The following ABTB2 variants were observed in gnomAD, a reference collection of about 807,000 sequenced individuals.
ABTB2 encodes the protein ankyrin repeat and BTB/POZ domain-containing protein 2.
ABTB2 carries 56 observed loss-of-function variants against 104.1 expected under a neutral mutation model. The observed-to-expected ratio is 0.54, with a 90% CI of 0.43 to 0.67. The LOEUF (loss-of-function observed/expected upper bound fraction) is 0.67. Among genes scored for constraint, ABTB2 ranks in the 30% least tolerant of loss-of-function variants. The pLI, the probability that ABTB2 is intolerant of heterozygous loss-of-function variation, is 0.00. For missense variants in ABTB2, 1,279 were observed against 1,407.7 expected (o/e 0.91, Z 1.46); for synonymous variants, 606 against 608.2 (o/e 1.00, Z 0.05).
chr11:34,335,412 T>G, intron 1 of ABTB2: 4 of 800,202 alleles, frequency 5.0e-6, no homozygotes, highest in East Asian at 2.4e-5. Context: ...TAAGAGCACT[T>G]CTCTTTCAGT....
At chr11:34,245,773 T>C (rs555222500) in intron 1 of ABTB2, among the ~76,000 whole-genome samples, 42 of 152,168 alleles carry the variant, frequency 2.8e-4, no homozygotes, top group Non-Finnish European at 4.4e-4. Context: ...ATGGAAGCTC[T>C]TTGGTGGGCT....
intron 1 of ABTB2, among the ~76,000 whole-genome samples, chr11:34,215,186 C>T (rs1853536086): frequency 1.3e-5 from 2 of 152,128 alleles, no homozygotes; most frequent in Admixed American, 1.3e-4. Context: ...CATTGCTGGG[C>T]AGGGGGTGAG....
intron 3 of ABTB2, among the ~76,000 whole-genome samples, chr11:34,196,293 C>G (rs576664361): frequency 1.3e-5 from 2 of 152,312 alleles, no homozygotes; most frequent in South Asian, 4.1e-4. Flanking sequence ...GTGGCTCACG[C>G]CTGTAATCCC....
At chr11:34,271,325 C>A (rs1263550639) in intron 1 of ABTB2, among the ~76,000 whole-genome samples, 3 of 152,328 alleles carry the variant, frequency 2.0e-5, no homozygotes, top group African/African-American at 7.2e-5. Context: ...CTCTTTCAAA[C>A]CCTCACTGTG....
In ABTB2 at chr11:34,252,266, C is replaced by A. The variant is rs537114679; in HGVS notation, c.884-47576G>T. Among the ~76,000 whole-genome samples the A allele has an allele frequency of 6.6e-6, 1 of 152,282 alleles. No individual in the cohort carries two copies. The highest frequency in any genetic ancestry group is 1.9e-4 in the East Asian group (1 of 5,192). ...AGTGACAGCGAGGAGGCCAGATGCA[C>A]GAGCCTCTTCCTGAACCATCGCATC... On this transcript the variant is annotated intron_variant, in intron 1 of 16. Transcript: ENST00000435224. This position sits in a 1 kb window ranked among gnomAD's most constrained non-coding sequence, Gnocchi z 5.5.
At chr11:34,269,080 T>C (rs1854283371) in intron 1 of ABTB2, among the ~76,000 whole-genome samples, 1 of 152,326 alleles carries the variant, frequency 6.6e-6, no homozygotes, top group East Asian at 1.9e-4. Flanking sequence ...TGCCAGTTTG[T>C]GGCCAAGGAG....
At chr11:34,332,947 C>G (rs1240919343) in intron 1 of ABTB2, among the ~76,000 whole-genome samples, 5 of 152,188 alleles carry the variant, frequency 3.3e-5, no homozygotes, top group Non-Finnish European at 7.3e-5. Context: ...GAAATGCCTG[C>G]TTCGTCTGGG....
chr11:34,317,995 C>G (rs566643159), intron 1 of ABTB2, among the ~76,000 whole-genome samples: 1 of 151,116 alleles, frequency 6.6e-6, no homozygotes, highest in Non-Finnish European at 1.5e-5. Context: ...CATAGCCTCG[C>G]TCTGTCACCC....
rs1315986888 is a variant in ABTB2 at position 34,173,024 on chromosome 11, A to G, written c.1397+131T>C. 7.6e-6 allele frequency: 9 copies of G among 1,187,960 alleles called. No homozygotes were observed. The East Asian group carries it at 2.2e-4, about 29-fold the overall frequency. The allele number at this position is 1,187,960 out of a possible 1,614,324, so 73.6% of individuals were successfully genotyped here. A position where few individuals can be genotyped will look rare whatever the true frequency, so the allele number is the denominator to read the frequency against. Reference sequence around the variant, plus strand: ...CTTGGCCTTTGCAGAGGACACCCTTAGAACAGCTCAAATGTGCTGCAGCCC... The same window carrying G: ...CTTGGCCTTTGCAGAGGACACCCTTGGAACAGCTCAAATGTGCTGCAGCCC... On this transcript the variant is annotated intron_variant, in intron 4 of 16. Transcript: ENST00000435224.
At chr11:34,233,765 T>A (rs2064990) in intron 1 of ABTB2, among the ~76,000 whole-genome samples, 30 of 152,058 alleles carry the variant, frequency 2.0e-4, no homozygotes, top group Admixed American at 1.8e-3. Context: ...TATTAATATA[T>A]TATAATTTTT....
intron 1 of ABTB2, among the ~76,000 whole-genome samples, chr11:34,246,822 C>CATTT (rs1853989136): frequency 1.3e-5 from 2 of 148,598 alleles, no homozygotes. Context: ...CCAGAAGTTC[C>CATTT]ATTTCTTTTC....
intron 1 of ABTB2, among the ~76,000 whole-genome samples, chr11:34,235,756 C>A (rs555435173): frequency 6.6e-6 from 1 of 152,188 alleles, no homozygotes; most frequent in Non-Finnish European, 1.5e-5. Flanking sequence ...TCGCTAATTG[C>A]ACTTTGCAGA....
chr11:34,270,294 G>A (rs1196876502), intron 1 of ABTB2, among the ~76,000 whole-genome samples: 1 of 151,326 alleles, frequency 6.6e-6, no homozygotes, highest in Non-Finnish European at 1.5e-5. Context: ...CATAGCCCAC[G>A]TATCTTTGAA....
At chr11:34,301,492 A>G (rs943117003) in intron 1 of ABTB2, among the ~76,000 whole-genome samples, 2 of 152,230 alleles carry the variant, frequency 1.3e-5, no homozygotes, top group Admixed American at 1.3e-4. Context: ...AAATTGGGGC[A>G]ATCAGATCCA....
intron 4 of ABTB2, among the ~76,000 whole-genome samples, chr11:34,172,434 G>GA (rs1565131664): frequency 1.6e-5 from 1 of 62,638 alleles, no homozygotes; most frequent in Non-Finnish European, 3.2e-5. Flanking sequence ...GTGTGTGTGT[G>GA]TATATAGATA....
rs149227397 is a variant in ABTB2, at chr11:34,267,972, C to T, written c.884-63282G>A. 7.6e-4 allele frequency among the ~76,000 whole-genome samples: 115 copies of T among 152,266 alleles called. 1 individual carries two copies. The East Asian group carries it at 0.021, about 28-fold the overall frequency. ...TTTAGACAGGGTCTGGCTCTGTTGC[C>T]CAGGCTGGAGTGCAGTGGCTTGATC... On this transcript the variant is annotated intron_variant, in intron 1 of 16. Transcript: ENST00000435224.
At chr11:34,177,700 T>C (rs1412648790) in intron 3 of ABTB2, among the ~76,000 whole-genome samples, 11 of 152,188 alleles carry the variant, frequency 7.2e-5, no homozygotes, top group Admixed American at 6.5e-5. Flanking sequence ...CCCAAATTGC[T>C]GGCACCACAG....
chr11:34,174,312 G>A (rs1171397153), intron 3 of ABTB2, among the ~76,000 whole-genome samples: 4 of 144,456 alleles, frequency 2.8e-5, no homozygotes, highest in Middle Eastern at 3.6e-3. Context: ...GCGACAGGGC[G>A]AGACTCCGTC....
At chr11:34,230,151 C>T (rs567145373) in intron 1 of ABTB2, among the ~76,000 whole-genome samples, 2 of 152,368 alleles carry the variant, frequency 1.3e-5, no homozygotes, top group Non-Finnish European at 2.9e-5. Flanking sequence ...CATGCGCAAA[C>T]ACACCCTACC....
Sources: allele counts gnomAD v4.1 joint callset (sites outside exome capture counted in the v4.1 genomes callset), GRCh38; gene constraint gnomAD v4.1.1; non-coding constraint Gnocchi (gnomAD v3.1); transcripts MANE v1.5; gene names NCBI Gene and HGNC (gene_info 2026-07-23, HGNC 2026-07-21).